Variants in CBL observed in about 807,000 individuals in gnomAD.
CBL encodes E3 ubiquitin-protein ligase CBL.
A neutral mutation model predicts 96.9 loss-of-function variants in CBL; 45 were observed. That is an observed-to-expected ratio of 0.46 (90% confidence interval 0.37 to 0.60). CBL has a LOEUF of 0.60. Ranked by LOEUF, CBL falls within the 20% of genes least tolerant of loss-of-function variation. The pLI, the probability that CBL is intolerant of heterozygous loss-of-function variation, is 0.00. For missense variants in CBL, 1,024 were observed against 1,143.5 expected (o/e 0.90, Z 1.51); for synonymous variants, 420 against 426.8 (o/e 0.98, Z 0.20).
chr11:119,216,973 C>A (rs1949366766), intron 1 of CBL, among the ~76,000 whole-genome samples: 1 of 152,164 alleles, frequency 6.6e-6, no homozygotes, highest in Non-Finnish European at 1.5e-5. Context: ...CATGTTAAGA[C>A]TGACAAGTAA....
chr11:119,275,214 G>A (rs1949879432), intron 5 of CBL, among the ~76,000 whole-genome samples: 1 of 152,180 alleles, frequency 6.6e-6, no homozygotes, highest in Non-Finnish European at 1.5e-5. Context: ...GCCGAGGCGG[G>A]CAGATCACGA....
intron 1 of CBL, among the ~76,000 whole-genome samples, chr11:119,222,480 G>T (rs1330561445): frequency 6.6e-6 from 1 of 152,162 alleles, no homozygotes; most frequent in African/African-American, 2.4e-5. Flanking sequence ...GATACTGTTG[G>T]TTTCCCGGAG....
At chr11:119,255,710 A>G (rs1216742430) in intron 2 of CBL, among the ~76,000 whole-genome samples, 1 of 152,144 alleles carries the variant, frequency 6.6e-6, no homozygotes, top group Non-Finnish European at 1.5e-5. Context: ...AACAGTTTGT[A>G]AAAGAGTTTG....
intron 1 of CBL, among the ~76,000 whole-genome samples, chr11:119,219,550 G>GGTC (rs1949391426): frequency 6.6e-6 from 1 of 152,066 alleles, no homozygotes; most frequent in Non-Finnish European, 1.5e-5. Context: ...ATTATCCTTG[G>GGTC]TTTGAGGCAA....
intron 12 of CBL, among the ~76,000 whole-genome samples, chr11:119,294,018 G>T (rs1950047240): frequency 6.6e-6 from 1 of 152,208 alleles, no homozygotes; most frequent in Non-Finnish European, 1.5e-5. Context: ...TTAAGTCGTG[G>T]CTGCCTGGTT....
chr11:119,279,507 C>A (rs1949917960), intron 9 of CBL, among the ~76,000 whole-genome samples: 1 of 149,574 alleles, frequency 6.7e-6, no homozygotes, highest in African/African-American at 2.5e-5. Flanking sequence ...AAAAAAATAG[C>A]TGGGCATGAT....
rs557097313 is a variant in CBL, at chr11:119,246,119, C to T, written c.443+13424C>T. ...TCTCCCAAGTAGCTGGGACTACAGGCGCGCGCCACCATGCCCAGCTAATTT... is the reference window on the plus strand; with the variant it reads ...TCTCCCAAGTAGCTGGGACTACAGGTGCGCGCCACCATGCCCAGCTAATTT... On this transcript the variant is annotated intron_variant, in intron 2 of 15. Transcript: ENST00000264033. Among the ~76,000 whole-genome samples, 7 of 151,080 alleles carry T rather than the reference C, an allele frequency of 4.6e-5. No homozygotes were observed. The South Asian group carries it at 1.0e-3, about 23-fold the overall frequency.
At chr11:119,219,256 G>T (rs1356253925) in intron 1 of CBL, among the ~76,000 whole-genome samples, 1 of 151,716 alleles carries the variant, frequency 6.6e-6, no homozygotes, top group East Asian at 1.9e-4. Flanking sequence ...GCGGGCTCCT[G>T]TAATCCCATC....
chr11:119,208,707 T>G (rs1180835895), intron 1 of CBL, among the ~76,000 whole-genome samples: 1 of 152,084 alleles, frequency 6.6e-6, no homozygotes, highest in Admixed American at 6.6e-5. Flanking sequence ...TCTTAAAGAA[T>G]AAGAGTATTC....
intron 3 of CBL, among the ~76,000 whole-genome samples, chr11:119,273,438 G>T (rs2511856): frequency 0.59 from 89,630 of 152,040 alleles, 27,270 homozygotes; most frequent in East Asian, 0.88. Context: ...TTCTTTTCTT[G>T]TTTTGCAGCA....
chr11:119,247,310 A>G (rs1244380611), intron 2 of CBL, among the ~76,000 whole-genome samples: 3 of 152,240 alleles, frequency 2.0e-5, no homozygotes, highest in Non-Finnish European at 4.4e-5. Context: ...TCAACGTGGT[A>G]CTAGACGTTC....
At chr11:119,239,078 T>A (rs535153144) in intron 2 of CBL, among the ~76,000 whole-genome samples, 1 of 152,236 alleles carries the variant, frequency 6.6e-6, no homozygotes, top group East Asian at 1.9e-4. Context: ...CAGGTGATCC[T>A]CCCACCTCAG....
At position 119,206,391 on chromosome 11, in the gene CBL, C is replaced by G; in HGVS notation, c.-27C>G. 2.7e-6 allele frequency: 4 copies of G among 1,497,020 alleles called. No homozygotes were observed. Among genetic ancestry groups the G allele is most frequent in the South Asian group, 2.5e-5 (2 of 80,084 alleles). 92.7% of individuals were successfully genotyped at this position (1,497,020 alleles called of 1,614,324 possible). A position where few individuals can be genotyped will look rare whatever the true frequency, so the allele number is the denominator to read the frequency against. ...CGCAGTCGAGCCGAGCCGGCGGACC[C>G]GCCTGGGCTCCGACCCTGCCCAGGC... is the stretch of plus-strand genomic sequence containing the variant. On this transcript the variant is annotated 5_prime_UTR_variant, in exon 1 of 16. Transcript: ENST00000264033.
At chr11:119,224,984 G>A (rs1394438456) in intron 1 of CBL, among the ~76,000 whole-genome samples, 1 of 151,958 alleles carries the variant, frequency 6.6e-6, no homozygotes, top group Non-Finnish European at 1.5e-5. Context: ...TTGTTGAAGG[G>A]TCAACTGTAT....
At chr11:119,254,632 C>T (rs1023608533) in intron 2 of CBL, among the ~76,000 whole-genome samples, 8 of 151,542 alleles carry the variant, frequency 5.3e-5, no homozygotes, top group Non-Finnish European at 8.8e-5. Flanking sequence ...GACAGAGTCT[C>T]GTCCTGTCGC....
At chr11:119,293,848 C>T (rs1950046102) in intron 12 of CBL, among the ~76,000 whole-genome samples, 1 of 152,172 alleles carries the variant, frequency 6.6e-6, no homozygotes. Context: ...AACCAGGCAT[C>T]AGCATATGAA....
rs558281592 is a variant in CBL, at chr11:119,228,504, G to A, written c.196-3944G>A. Among the ~76,000 whole-genome samples the A allele has an allele frequency of 5.3e-5, 8 of 152,088 alleles. No homozygotes were observed. The South Asian group carries it at 1.5e-3, about 28-fold the overall frequency. On this transcript the variant is annotated intron_variant, in intron 1 of 15. Coordinates refer to ENST00000264033, the MANE Select transcript of CBL (RefSeq NM_005188.4). Reference sequence around the variant, plus strand: ...GCCAGTAATCCCAGCTACTTGGGAGGCTGAGCCAGAAGAATCACTTGAACC... The same window carrying A: ...GCCAGTAATCCCAGCTACTTGGGAGACTGAGCCAGAAGAATCACTTGAACC...
At chr11:119,210,603 A>AT (rs768564444) in intron 1 of CBL, among the ~76,000 whole-genome samples, 27,217 of 98,498 alleles carry the variant, frequency 0.28, 4,366 homozygotes, top group South Asian at 0.55. Flanking sequence ...TAATTTTTCA[A>AT]TTTTTTTTTT....
At chr11:119,213,689 A>G (rs999440059) in intron 1 of CBL, among the ~76,000 whole-genome samples, 1 of 152,132 alleles carries the variant, frequency 6.6e-6, no homozygotes, top group Non-Finnish European at 1.5e-5. Flanking sequence ...CTTGAGACCA[A>G]GTGCCTATTT....
Sources: allele counts gnomAD v4.1 joint callset (sites outside exome capture counted in the v4.1 genomes callset), GRCh38; gene constraint gnomAD v4.1.1; transcripts MANE v1.5; gene names NCBI Gene and HGNC (gene_info 2026-07-23, HGNC 2026-07-21).